Variants in TECRL observed in about 807,000 individuals in gnomAD.
TECRL encodes the protein trans-2,3-enoyl-CoA reductase like.
In TECRL, 63 loss-of-function variants were observed where a neutral mutation model predicts 52.8. The ratio of observed to expected loss-of-function variants is 1.19; its 90% CI spans 0.97 to 1.47. The LOEUF is 1.47. Ranked by LOEUF, TECRL falls within the 40% of genes most tolerant of loss-of-function variation. The probability of loss-of-function intolerance (pLI) is 0.00; values close to 1 mark genes in which losing one functional copy is unlikely to be tolerated. For synonymous variants in TECRL, 164 were observed against 141.9 expected (o/e 1.16, Z -1.10); for missense variants, 482 against 429.6 (o/e 1.12, Z -1.08).
intron 2 of TECRL, among the ~76,000 whole-genome samples, chr4:64,341,617 G>C (rs72638974): frequency 6.6e-6 from 1 of 151,868 alleles, no homozygotes; most frequent in Non-Finnish European, 1.5e-5. Context: ...AAAAAAAATG[G>C]GGCTAAAACA....
intron 2 of TECRL, among the ~76,000 whole-genome samples, chr4:64,370,883 C>T (rs1396774733): frequency 6.6e-6 from 1 of 151,774 alleles, no homozygotes; most frequent in Non-Finnish European, 1.5e-5. Flanking sequence ...TCATACTGTA[C>T]ATTTTGTATG....
chr4:64,323,319 C>T (rs1718034860), intron 3 of TECRL, among the ~76,000 whole-genome samples: 1 of 151,824 alleles, frequency 6.6e-6, no homozygotes, highest in Admixed American at 6.6e-5. Context: ...ATTGCTTGAG[C>T]CAGGGAGGTC....
rs774979035 is a variant in TECRL at position 64,328,501 on chromosome 4, A to C, written c.331+11T>G. On this transcript the variant is annotated intron_variant, in intron 3 of 11. Transcript: ENST00000381210. ...AATTAAATAAACACATCAGTGAAAA[A>C]TGCTTCTTACCACATTCTAGCTGCA... 3.7e-6 allele frequency: 6 copies of C among 1,609,720 alleles called. No individual in the cohort carries two copies.
chr4:64,322,002 T>C (rs1717933735), intron 4 of TECRL, among the ~76,000 whole-genome samples: 1 of 152,162 alleles, frequency 6.6e-6, no homozygotes, highest in African/African-American at 2.4e-5. Flanking sequence ...GTGGAGCAGA[T>C]GAAACCAGCC....
chr4:64,384,722 G>T (rs1723055982), intron 1 of TECRL, among the ~76,000 whole-genome samples: 1 of 152,046 alleles, frequency 6.6e-6, no homozygotes, highest in Non-Finnish European at 1.5e-5. Flanking sequence ...ACAGGTTGTG[G>T]CTGGTTTATC....
chr4:64,391,871 C>T (rs1008431501), intron 1 of TECRL, among the ~76,000 whole-genome samples: 1 of 151,870 alleles, frequency 6.6e-6, no homozygotes, highest in Admixed American at 6.6e-5. Flanking sequence ...GTCACACTGT[C>T]TTTGTTACAG....
At chr4:64,333,844 C>T (rs1718828254) in intron 2 of TECRL, among the ~76,000 whole-genome samples, 1 of 123,900 alleles carries the variant, frequency 8.1e-6, no homozygotes, top group East Asian at 2.1e-4. Flanking sequence ...CAAGGTGAAA[C>T]CCCGTCTCTA....
chr4:64,322,475 A>AG (rs1259762086), intron 4 of TECRL, among the ~76,000 whole-genome samples: 1 of 150,428 alleles, frequency 6.6e-6, no homozygotes, highest in African/African-American at 2.4e-5. Flanking sequence ...AAAAAAAAAA[A>AG]GGAACTTATC....
At chr4:64,369,950 T>C (rs1447616888) in intron 2 of TECRL, among the ~76,000 whole-genome samples, 1 of 151,788 alleles carries the variant, frequency 6.6e-6, no homozygotes, top group Non-Finnish European at 1.5e-5. Context: ...ATTTAAATTA[T>C]ATAGAAAAAA....
At chr4:64,396,453 T>C (rs1228360783) in intron 1 of TECRL, among the ~76,000 whole-genome samples, 9 of 152,206 alleles carry the variant, frequency 5.9e-5, no homozygotes, top group African/African-American at 2.2e-4. Flanking sequence ...ATATTCTTGT[T>C]GGTTATATGT....
rs193037837 is a variant in TECRL, at chr4:64,336,771, T to G, written c.287-8215A>C. On this transcript the variant is annotated intron_variant, in intron 2 of 11. Transcript: ENST00000381210. ...TGCCTTCATTTTGTTATGTACCCAGTAGTCATTGAGGAGCAGGTTGTTCAG... is the reference window on the plus strand; with the variant it reads ...TGCCTTCATTTTGTTATGTACCCAGGAGTCATTGAGGAGCAGGTTGTTCAG... Among the ~76,000 whole-genome samples, 33 of 152,344 alleles carry G rather than the reference T, an allele frequency of 2.2e-4. 1 individual carries two copies. The highest frequency in any genetic ancestry group is 7.9e-4 in the African/African-American group (33 of 41,574).
intron 2 of TECRL, among the ~76,000 whole-genome samples, chr4:64,359,910 T>C (rs1015152279): frequency 6.6e-6 from 1 of 152,138 alleles, no homozygotes; most frequent in Non-Finnish European, 1.5e-5. Context: ...CTGAATAGTA[T>C]ATGTGTTACT....
intron 2 of TECRL, among the ~76,000 whole-genome samples, chr4:64,362,040 C>T (rs1248886969): frequency 1.3e-5 from 2 of 152,082 alleles, no homozygotes; most frequent in Non-Finnish European, 2.9e-5. Flanking sequence ...AAATTCACTA[C>T]AGGAATTTCA....
intron 1 of TECRL, among the ~76,000 whole-genome samples, chr4:64,387,776 A>G (rs1723279372): frequency 6.6e-6 from 1 of 151,958 alleles, no homozygotes; most frequent in African/African-American, 2.4e-5. Context: ...CTATTGATAA[A>G]ACTATGTGAT....
At chr4:64,360,400 A>ACC (rs1721091142) in intron 2 of TECRL, among the ~76,000 whole-genome samples, 1 of 152,228 alleles carries the variant, frequency 6.6e-6, no homozygotes, top group Non-Finnish European at 1.5e-5. Flanking sequence ...TTGTTGAACT[A>ACC]TTTTGAAGTA....
At chr4:64,385,931 T>C (rs966877536) in intron 1 of TECRL, among the ~76,000 whole-genome samples, 16 of 152,176 alleles carry the variant, frequency 1.1e-4, no homozygotes, top group Non-Finnish European at 1.9e-4. Context: ...TTTACTTTCT[T>C]CACCTTTCAT....
At chr4:64,381,835 A>G (rs1275484106) in intron 1 of TECRL, among the ~76,000 whole-genome samples, 1 of 151,988 alleles carries the variant, frequency 6.6e-6, no homozygotes, top group Admixed American at 6.6e-5. Flanking sequence ...TTCATCAGGA[A>G]TATTGGCCTG....
chr4:64,362,860 A>T (rs1165083905), intron 2 of TECRL, among the ~76,000 whole-genome samples: 5 of 152,130 alleles, frequency 3.3e-5, no homozygotes, highest in African/African-American at 1.2e-4. Context: ...ATTAACCTCA[A>T]TGTAAATGGT....
intron 1 of TECRL, among the ~76,000 whole-genome samples, chr4:64,399,386 A>AG (rs900742817): frequency 1.2e-4 from 19 of 152,202 alleles, no homozygotes; most frequent in Admixed American, 6.5e-5. Flanking sequence ...CACACGGCAT[A>AG]GAAAAAAAAA....
Sources: gnomAD v4.1 joint callset for allele counts (sites outside exome capture counted in the v4.1 genomes callset) on GRCh38, gnomAD v4.1.1 for gene constraint, MANE v1.5 for transcripts, NCBI Gene and HGNC (gene_info 2026-07-23, HGNC 2026-07-21) for gene names.